The following MALRD1 variants were observed in gnomAD, a reference collection of about 807,000 sequenced individuals.
MALRD1 encodes the protein MAM and LDL-receptor class A domain-containing protein 1.
In MALRD1, 247 loss-of-function variants were observed where a neutral mutation model predicts 242.1. The ratio of observed to expected loss-of-function variants is 1.02; its 90% confidence interval spans 0.92 to 1.13. The LOEUF (loss-of-function observed/expected upper bound fraction) is 1.13. Ranked by LOEUF, MALRD1 falls within the 50% of genes most tolerant of loss-of-function variation. The pLI, the probability that MALRD1 is intolerant of heterozygous loss-of-function variation, is 0.00. For missense variants in MALRD1, 2,989 were observed against 2,533.1 expected (o/e 1.18, Z -3.86); for synonymous variants, 995 against 866.6 (o/e 1.15, Z -2.60).
intron 18 of MALRD1, among the ~76,000 whole-genome samples, chr10:19,257,234 G>A (rs1368680401): frequency 6.6e-6 from 1 of 152,034 alleles, no homozygotes; most frequent in African/African-American, 2.4e-5. Context: ...CCTTAAAACT[G>A]TATATCCTAG....
chr10:19,729,084 A>G (rs1445235383), intron 38 of MALRD1, among the ~76,000 whole-genome samples: 1 of 152,204 alleles, frequency 6.6e-6, no homozygotes, highest in Non-Finnish European at 1.5e-5. Flanking sequence ...AGGGTGAAAC[A>G]TTTAATCTAT....
intron 1 of MALRD1, among the ~76,000 whole-genome samples, chr10:19,062,660 T>G (rs1035369443): frequency 9.2e-5 from 14 of 152,276 alleles, no homozygotes; most frequent in Middle Eastern, 3.4e-3. Flanking sequence ...ATGATTCCTC[T>G]TATGTGAGTT....
intron 31 of MALRD1, among the ~76,000 whole-genome samples, chr10:19,514,331 G>T: frequency 6.6e-6 from 1 of 151,990 alleles, no homozygotes; most frequent in African/African-American, 2.4e-5. Context: ...ATTGAAATAA[G>T]GTTTAGTATC....
chr10:19,217,595 C>A (rs1399285157), intron 18 of MALRD1, among the ~76,000 whole-genome samples: 1 of 144,690 alleles, frequency 6.9e-6, no homozygotes, highest in South Asian at 2.2e-4. Flanking sequence ...TGCAGTGGTG[C>A]GATCTCAGCT....
Position 19,639,380 on chromosome 10 carries a change from C to T in MALRD1, c.6137+23457C>T, listed in dbSNP as rs79943328. Among the ~76,000 whole-genome samples, 73 of 152,266 alleles carry T rather than the reference C, an allele frequency of 4.8e-4. 3 individuals are homozygous for T. The East Asian group carries it at 0.013, about 27-fold the overall frequency. On this transcript the variant is annotated intron_variant, in intron 36 of 39. Coordinates refer to ENST00000454679, the MANE Select transcript of MALRD1 (RefSeq NM_001142308.3). ...AATGAAATAGACACATCTCTTCGAT[C>T]GCCACAAGAATCCTATAAAATAATT...
intron 36 of MALRD1, among the ~76,000 whole-genome samples, chr10:19,655,522 G>T (rs1841104314): frequency 7.7e-6 from 1 of 130,136 alleles, no homozygotes; most frequent in Non-Finnish European, 1.6e-5. Flanking sequence ...ACATATATAT[G>T]TGTGAGTGTA....
At chr10:19,588,199 T>C (rs1280512145) in intron 33 of MALRD1, among the ~76,000 whole-genome samples, 1 of 152,226 alleles carries the variant, frequency 6.6e-6, no homozygotes, top group Non-Finnish European at 1.5e-5. Flanking sequence ...TCTATGCTTT[T>C]ACTATTTATG....
chr10:19,309,788 A>G (rs1354901522), intron 21 of MALRD1, among the ~76,000 whole-genome samples: 7 of 151,510 alleles, frequency 4.6e-5, no homozygotes, highest in Non-Finnish European at 1.5e-5. Flanking sequence ...GAAAAATGAG[A>G]TAGGTAAAGG....
chr10:19,576,100 AAGGACATGAGC>A (rs1455438424), intron 33 of MALRD1, among the ~76,000 whole-genome samples: 4 of 152,218 alleles, frequency 2.6e-5, no homozygotes, highest in Non-Finnish European at 4.4e-5. Context: ...AACCCAAACC[AAGGACATGAGC>A]AGGAAGCAAG....
At chr10:19,451,352 T>TG (rs1835316484) in intron 29 of MALRD1, among the ~76,000 whole-genome samples, 1 of 152,028 alleles carries the variant, frequency 6.6e-6, no homozygotes, top group African/African-American at 2.4e-5. Context: ...AACAGTAACT[T>TG]GAAAAAAAAG....
At chr10:19,393,657 C>T (rs1248211476) in intron 28 of MALRD1, among the ~76,000 whole-genome samples, 3 of 150,606 alleles carry the variant, frequency 2.0e-5, no homozygotes, top group Non-Finnish European at 4.4e-5. Flanking sequence ...AGAGTTTCAC[C>T]ATGTTAGCCA....
chr10:19,282,314 T>A (rs571914689), intron 20 of MALRD1, among the ~76,000 whole-genome samples: 1 of 152,272 alleles, frequency 6.6e-6, no homozygotes, highest in African/African-American at 2.4e-5. Context: ...TACCCAAATT[T>A]CTAAATGGTC....
In MALRD1 at chr10:19,728,731, T is replaced by A. The variant is rs142349852; in HGVS notation, c.6315-1975T>A. Among the ~76,000 whole-genome samples the A allele has an allele frequency of 2.1e-3, 327 of 152,320 alleles. 1 individual carries two copies. Among genetic ancestry groups the A allele is most frequent in the Middle Eastern group, 3.4e-3 (1 of 294 alleles). ...TATGTTTTGATCATCCCTACTTCCA[T>A]GTCCAATTTTTCCTGCTTTGGTATT... On this transcript the variant is annotated intron_variant, in intron 38 of 39. Coordinates refer to ENST00000454679, the MANE Select transcript of MALRD1 (RefSeq NM_001142308.3).
chr10:19,636,688 C>T (rs1342362093), intron 36 of MALRD1, among the ~76,000 whole-genome samples: 1 of 152,014 alleles, frequency 6.6e-6, no homozygotes, highest in African/African-American at 2.4e-5. Flanking sequence ...CACCTGAGGT[C>T]AGGAGTTCAA....
intron 28 of MALRD1, among the ~76,000 whole-genome samples, chr10:19,410,679 C>CTTTTT (rs58147034): frequency 3.0e-5 from 4 of 132,918 alleles, no homozygotes; most frequent in Admixed American, 7.8e-5. Flanking sequence ...TCCTTCCTTC[C>CTTTTT]TTTTTTTTTT....
At chr10:19,071,459 C>G (rs1194016310) in intron 2 of MALRD1, among the ~76,000 whole-genome samples, 1 of 152,116 alleles carries the variant, frequency 6.6e-6, no homozygotes, top group South Asian at 2.1e-4. Flanking sequence ...CAGCTGGACC[C>G]TATGTCAAAG....
At position 19,146,188 on chromosome 10, in the gene MALRD1, C is replaced by T. The variant is rs1424941016; in HGVS notation, c.1412-10C>T. On this transcript the variant is annotated splice_polypyrimidine_tract_variant and intron_variant, in intron 10 of 39. Transcript: ENST00000454679. The stretch of plus-strand genomic sequence containing the variant: ...TTCTCCTCACCTGTTTTCTCTTCTA[C>T]GTGTAACAGCAAAGCATCTCACCTG... 9.7e-6 allele frequency: 12 copies of T among 1,231,532 alleles called. No individual in the cohort carries two copies. Among genetic ancestry groups the T allele is most frequent in the East Asian group, 9.5e-5 (3 of 31,698 alleles). The allele number at this position is 1,231,532 out of a possible 1,614,324, so 76.3% of individuals were successfully genotyped here.
At chr10:19,325,523 A>G (rs1843089285) in intron 22 of MALRD1, among the ~76,000 whole-genome samples, 1 of 151,926 alleles carries the variant, frequency 6.6e-6, no homozygotes, top group East Asian at 1.9e-4. Flanking sequence ...GCCCTGGTGG[A>G]GAATAATGCA....
intron 2 of MALRD1, among the ~76,000 whole-genome samples, chr10:19,079,556 C>G (rs1339053478): frequency 1.1e-4 from 16 of 151,776 alleles, no homozygotes; most frequent in Non-Finnish European, 2.2e-4. Flanking sequence ...TCAAATAGTT[C>G]TATTTATTTT....
Sources: allele counts gnomAD v4.1 joint callset (sites outside exome capture counted in the v4.1 genomes callset), GRCh38; gene constraint gnomAD v4.1.1; transcripts MANE v1.5; gene names NCBI Gene and HGNC (gene_info 2026-07-23, HGNC 2026-07-21).